Variants in WWOX observed in about 807,000 individuals in gnomAD.
WWOX encodes the protein WW domain-containing oxidoreductase.
Under a neutral mutation model 46.2 loss-of-function variants are expected in WWOX, and 69 were observed. The observed-to-expected ratio is 1.49, with a 90% CI of 1.23 to 1.82. The LOEUF is 1.82. Ranked by LOEUF, WWOX falls within the 40% of genes most tolerant of loss-of-function variation. WWOX has a pLI of 0.00. For missense variants in WWOX, 919 were observed against 542.6 expected (o/e 1.69, Z -6.89); for synonymous variants, 359 against 202.6 (o/e 1.77, Z -6.56).
intron 8 of WWOX, among the ~76,000 whole-genome samples, chr16:78,884,245 C>G (rs1488833292): frequency 7.8e-6 from 1 of 128,172 alleles, no homozygotes; most frequent in Admixed American, 9.9e-5. Context: ...TGCACTCCAG[C>G]TTGGGTGACA....
At chr16:78,757,870 C>T (rs976227918) in intron 8 of WWOX, among the ~76,000 whole-genome samples, 4 of 152,048 alleles carry the variant, frequency 2.6e-5, no homozygotes, top group African/African-American at 7.2e-5. Context: ...GAGGGTTCCA[C>T]TCTCATGACT....
chr16:78,652,002 ATAAGGTGGATG>A (rs2046975846), intron 8 of WWOX, among the ~76,000 whole-genome samples: 1 of 152,140 alleles, frequency 6.6e-6, no homozygotes, highest in South Asian at 2.1e-4. Flanking sequence ...TAGATCAGGT[ATAAGGTGGATG>A]TATTATTGGC....
chr16:78,157,433 G>A (rs906857249), intron 4 of WWOX, among the ~76,000 whole-genome samples: 15 of 152,164 alleles, frequency 9.9e-5, no homozygotes, highest in African/African-American at 2.7e-4. Flanking sequence ...AGGTAAAAAT[G>A]AGTAAATTTG....
chr16:78,985,377 G>T (rs1297889261), intron 8 of WWOX, among the ~76,000 whole-genome samples: 1 of 152,178 alleles, frequency 6.6e-6, no homozygotes, highest in Non-Finnish European at 1.5e-5. Flanking sequence ...CAACACCACA[G>T]GGCTAATAGC....
At chr16:78,695,983 C>G (rs1363031971) in intron 8 of WWOX, among the ~76,000 whole-genome samples, 8 of 152,170 alleles carry the variant, frequency 5.3e-5, no homozygotes, top group Non-Finnish European at 1.0e-4. Flanking sequence ...CGCCCCAGAC[C>G]TCCTGAATGT....
At chr16:78,687,931 A>G (rs2047899538) in intron 8 of WWOX, among the ~76,000 whole-genome samples, 1 of 152,178 alleles carries the variant, frequency 6.6e-6, no homozygotes, top group African/African-American at 2.4e-5. Flanking sequence ...TTGTGCTAGA[A>G]ATGAAAAAGA....
chr16:79,208,915 G>C (rs946672445), intron 8 of WWOX, among the ~76,000 whole-genome samples: 6 of 152,198 alleles, frequency 3.9e-5, no homozygotes, highest in African/African-American at 1.2e-4. Context: ...TGTCCAGCAA[G>C]GGAGGAAAGT....
chr16:78,343,342 A>G (rs2081046265), intron 5 of WWOX, among the ~76,000 whole-genome samples: 1 of 121,282 alleles, frequency 8.2e-6, no homozygotes, highest in African/African-American at 2.8e-5. Flanking sequence ...GCTTCTAGGC[A>G]CATTAAACGG....
Position 79,011,031 on chromosome 16 carries a change from C to T in WWOX, c.1057-200577C>T, listed in dbSNP as rs565450750. ...CTTACGATGATTTCTAACATCTCAC[C>T]ATCTTTACTTCTGTATATAAATATA... On this transcript the variant is annotated intron_variant, in intron 8 of 8. Coordinates refer to ENST00000566780, the MANE Select transcript of WWOX (RefSeq NM_016373.4). Among the ~76,000 whole-genome samples the T allele has an allele frequency of 2.0e-4, 30 of 151,830 alleles. No homozygotes were observed. In the South Asian group the frequency reaches 5.8e-3, roughly 29 times the overall value.
At position 78,750,720 on chromosome 16, in the gene WWOX, G is replaced by C. The variant is rs146484363; in HGVS notation, c.1056+317968G>C. Among the ~76,000 whole-genome samples the C allele has an allele frequency of 1.9e-3, 282 of 152,168 alleles. 1 individual carries two copies. The highest frequency in any genetic ancestry group is 6.2e-3 in the African/African-American group (258 of 41,504). ...CCATGTGTACGCAGTGTTGAGCTTC[G>C]ACTTGTAAGTAAGAACATGCGGTAT... On this transcript the variant is annotated intron_variant, in intron 8 of 8. Coordinates refer to ENST00000566780, the MANE Select transcript of WWOX (RefSeq NM_016373.4).
At chr16:78,286,192 A>G (rs569486850) in intron 5 of WWOX, among the ~76,000 whole-genome samples, 7 of 152,354 alleles carry the variant, frequency 4.6e-5, no homozygotes, top group Non-Finnish European at 7.4e-5. Flanking sequence ...CTTTTTTCAC[A>G]AGGCGAAAAT....
At position 78,355,056 on chromosome 16, in the gene WWOX, T is replaced by C. The variant is rs897361916; in HGVS notation, c.517-31804T>C. Among the ~76,000 whole-genome samples the C allele has an allele frequency of 2.6e-3, 386 of 150,676 alleles. 2 individuals carry two copies. Among genetic ancestry groups the C allele is most frequent in the African/African-American group, 9.1e-3 (376 of 41,146 alleles). Reference sequence around the variant, plus strand: ...CTGAGGCAGGCGAACTGCTTGAACCTGGGAGGTGGAGGTTGCAGTGAGCTG... The same window carrying C: ...CTGAGGCAGGCGAACTGCTTGAACCCGGGAGGTGGAGGTTGCAGTGAGCTG... On this transcript the variant is annotated intron_variant, in intron 5 of 8. Transcript: ENST00000566780.
chr16:78,992,128 A>G (rs1444259728), intron 8 of WWOX, among the ~76,000 whole-genome samples: 1 of 152,180 alleles, frequency 6.6e-6, no homozygotes, highest in Non-Finnish European at 1.5e-5. Flanking sequence ...AATGAGTGAA[A>G]GGTAATCCTG....
intron 8 of WWOX, among the ~76,000 whole-genome samples, chr16:78,985,990 T>G (rs2046777327): frequency 6.6e-6 from 1 of 152,212 alleles, no homozygotes; most frequent in Admixed American, 6.5e-5. Flanking sequence ...CAATGCACTG[T>G]GCTGACCTCC....
chr16:78,981,904 C>G (rs1417718811), intron 8 of WWOX: 3 of 152,224 alleles, frequency 2.0e-5, no homozygotes, highest in Non-Finnish European at 4.4e-5. Context: ...CAAGAAGACT[C>G]CTTCAAGCAT....
At chr16:78,578,852 C>G (rs549488491) in intron 8 of WWOX, among the ~76,000 whole-genome samples, 2 of 152,310 alleles carry the variant, frequency 1.3e-5, no homozygotes, top group East Asian at 3.9e-4. Context: ...TACAGAACAT[C>G]TGTCTGTGAA....
chr16:78,411,623 A>G (rs2082682482), intron 6 of WWOX, among the ~76,000 whole-genome samples: 1 of 152,196 alleles, frequency 6.6e-6, no homozygotes, highest in African/African-American at 2.4e-5. Flanking sequence ...AGGAACCATT[A>G]AAAGTTTTTG....
rs551982953 is a variant in WWOX, at chr16:78,703,136, G to A, written c.1056+270384G>A. Among the ~76,000 whole-genome samples the A allele has an allele frequency of 2.0e-4, 30 of 152,286 alleles. No homozygotes were observed. The South Asian group carries it at 2.1e-3, about 11-fold the overall frequency. Reference sequence around the variant, plus strand: ...CTTTTAGTCAGGAGGCAAATCAAGAGCCAAGAGAGGGAGGGGTGGTCGTGA... The same window carrying A: ...CTTTTAGTCAGGAGGCAAATCAAGAACCAAGAGAGGGAGGGGTGGTCGTGA... On this transcript the variant is annotated intron_variant, in intron 8 of 8. Transcript: ENST00000566780.
intron 8 of WWOX, among the ~76,000 whole-genome samples, chr16:78,851,470 A>G (rs1409200459): frequency 6.6e-6 from 1 of 152,232 alleles, no homozygotes; most frequent in Non-Finnish European, 1.5e-5. Context: ...GTCATTGCCT[A>G]TATGACTCAA....
Sources: gnomAD v4.1 joint callset for allele counts (sites outside exome capture counted in the v4.1 genomes callset) on GRCh38, gnomAD v4.1.1 for gene constraint, MANE v1.5 for transcripts, NCBI Gene and HGNC (gene_info 2026-07-23, HGNC 2026-07-21) for gene names.